Variants in CSMD1 observed in about 807,000 individuals in gnomAD.
CSMD1 encodes CUB and Sushi multiple domains 1.
Under a neutral mutation model 417.5 loss-of-function variants are expected in CSMD1, and 213 were observed. The ratio of observed to expected loss-of-function variants is 0.51; its 90% CI spans 0.46 to 0.57. The LOEUF is 0.57. CSMD1 is among the 20% of genes least tolerant of loss of function. The pLI is 0.00. For synonymous variants in CSMD1, 2,862 were observed against 1,736.8 expected, an observed-to-expected ratio of 1.65 and a Z score of -16.11; for missense variants, 6,923 against 4,529.7, an observed-to-expected ratio of 1.53 and a Z score of -15.17.
intron 2 of CSMD1, among the ~76,000 whole-genome samples, chr8:4,504,667 G>A (rs1185037852): frequency 1.3e-5 from 2 of 152,010 alleles, no homozygotes; most frequent in African/African-American, 2.4e-5. Context: ...AGTGTGTGAT[G>A]TTCCCCTCCC....
intron 10 of CSMD1, among the ~76,000 whole-genome samples, chr8:3,528,800 G>A (rs148342619): frequency 1.3e-3 from 203 of 152,164 alleles, no homozygotes; most frequent in African/African-American, 4.8e-3. Context: ...AAAACACCTG[G>A]ATAAAATTAT....
chr8:4,334,976 C>G (rs1045529236), intron 3 of CSMD1, among the ~76,000 whole-genome samples: 25 of 152,216 alleles, frequency 1.6e-4, no homozygotes, highest in African/African-American at 5.3e-4. Flanking sequence ...CCAGTGTCCT[C>G]CAGGCTTGTC....
chr8:4,654,186 C>T (rs1804081764), intron 1 of CSMD1, among the ~76,000 whole-genome samples: 1 of 152,098 alleles, frequency 6.6e-6, no homozygotes, highest in South Asian at 2.1e-4. Flanking sequence ...TTGACCTACT[C>T]TTCTGGAGTA....
chr8:3,752,692 A>AAAAC (rs1554531814), intron 6 of CSMD1, among the ~76,000 whole-genome samples: 16 of 66,440 alleles, frequency 2.4e-4, no homozygotes, highest in African/African-American at 7.0e-4. Flanking sequence ...AAAAAAAAAA[A>AAAAC]AAAAAAAAAA....
At chr8:4,518,399 T>C (rs1803239383) in intron 2 of CSMD1, among the ~76,000 whole-genome samples, 1 of 152,118 alleles carries the variant, frequency 6.6e-6, no homozygotes, top group Non-Finnish European at 1.5e-5. Flanking sequence ...AAAAACTATA[T>C]TGAACACTAA....
chr8:4,448,098 C>G (rs2163307), intron 2 of CSMD1, among the ~76,000 whole-genome samples: 1 of 152,098 alleles, frequency 6.6e-6, no homozygotes, highest in Non-Finnish European at 1.5e-5. Flanking sequence ...GTTCCCTTCT[C>G]TATGTTCTTG....
intron 3 of CSMD1, among the ~76,000 whole-genome samples, chr8:4,052,428 A>G (rs537853015): frequency 2.6e-4 from 39 of 152,300 alleles, no homozygotes; most frequent in African/African-American, 9.1e-4. Flanking sequence ...GAGATCCCAA[A>G]TATCTTGTAG....
rs916445760 is a variant in CSMD1, at chr8:4,875,239, A to T, written c.85+119093T>A. On this transcript the variant is annotated intron_variant, in intron 1 of 69. Transcript: ENST00000635120. Reference sequence around the variant, plus strand: ...GAAGGAAAATAAGCATGAGAATTATATATGAACAAGCGCTATACCCAAGTC... The same window carrying T: ...GAAGGAAAATAAGCATGAGAATTATTTATGAACAAGCGCTATACCCAAGTC... Among the ~76,000 whole-genome samples, 5 of 152,168 alleles carry T rather than the reference A, an allele frequency of 3.3e-5. No homozygotes were observed. The East Asian group carries it at 9.7e-4, about 29-fold the overall frequency.
intron 26 of CSMD1, among the ~76,000 whole-genome samples, chr8:3,241,324 A>AGG (rs1365362013): frequency 2.0e-5 from 3 of 151,578 alleles, no homozygotes; most frequent in Non-Finnish European, 4.4e-5. Flanking sequence ...TATGGAGGCA[A>AGG]GGGAAACAGG....
At chr8:3,281,194 GC>G (rs1274733666) in intron 26 of CSMD1, among the ~76,000 whole-genome samples, 1 of 152,164 alleles carries the variant, frequency 6.6e-6, no homozygotes, top group African/African-American at 2.4e-5. Context: ...TGTAATCCCA[GC>G]ACTTTGGGAG....
intron 25 of CSMD1, among the ~76,000 whole-genome samples, chr8:3,295,512 T>C (rs10107991): frequency 0.5 from 75,691 of 152,022 alleles, 21,024 homozygotes; most frequent in South Asian, 0.63. Flanking sequence ...ACTGTAAGTG[T>C]TTTATTTTCG....
intron 55 of CSMD1, among the ~76,000 whole-genome samples, chr8:2,975,511 C>A (rs961564844): frequency 1.3e-5 from 2 of 152,120 alleles, no homozygotes; most frequent in African/African-American, 4.8e-5. Context: ...TAGATTTGAA[C>A]GCCTGGAAGC....
At chr8:3,187,032 A>G (rs116255601) in intron 36 of CSMD1, among the ~76,000 whole-genome samples, 341 of 152,332 alleles carry the variant, frequency 2.2e-3, no homozygotes, top group African/African-American at 7.1e-3. Flanking sequence ...GGCATGAGCC[A>G]CTGCACCTGG....
chr8:4,789,763 T>C (rs948142704), intron 1 of CSMD1, among the ~76,000 whole-genome samples: 8 of 150,550 alleles, frequency 5.3e-5, no homozygotes, highest in Admixed American at 3.3e-4. Flanking sequence ...GTAGTAAATT[T>C]TTTAAGTTAT....
intron 38 of CSMD1, 136 bp downstream of exon 38, chr8:3,162,023 C>G (rs1462564918): frequency 3.3e-6 from 2 of 601,604 alleles, no homozygotes; most frequent in Non-Finnish European, 6.0e-6. Flanking sequence ...GACCAACATG[C>G]ATGATTTAAT....
intron 5 of CSMD1, among the ~76,000 whole-genome samples, chr8:3,779,603 A>G (rs1799069399): frequency 6.6e-6 from 1 of 152,224 alleles, no homozygotes; most frequent in African/African-American, 2.4e-5. Context: ...ATAACCGGGT[A>G]TTTTAATAAA....
At chr8:3,503,801 T>C (rs1340376543) in intron 10 of CSMD1, among the ~76,000 whole-genome samples, 3 of 151,372 alleles carry the variant, frequency 2.0e-5, no homozygotes, top group Middle Eastern at 3.2e-3. Flanking sequence ...CCCCCCTCTT[T>C]CCTTGCCCTC....
At position 4,607,398 on chromosome 8, in the gene CSMD1, A is replaced by G. The variant is rs576249608; in HGVS notation, c.302+29944T>C. 2.0e-5 allele frequency among the ~76,000 whole-genome samples: 3 copies of G among 152,298 alleles called. No individual in the cohort carries two copies. The East Asian group carries it at 5.8e-4, about 29-fold the overall frequency. ...TACGGAGTAGTTGCTGGAGAATAGAAAATTGCAGGCAACAACTTCACGTGA... is the reference window on the plus strand; with the variant it reads ...TACGGAGTAGTTGCTGGAGAATAGAGAATTGCAGGCAACAACTTCACGTGA... On this transcript the variant is annotated intron_variant, in intron 2 of 69. Transcript: ENST00000635120.
chr8:4,275,174 G>A (rs1056276630), intron 3 of CSMD1, among the ~76,000 whole-genome samples: 17 of 151,892 alleles, frequency 1.1e-4, no homozygotes, highest in African/African-American at 4.1e-4. Context: ...ACATTTTCTG[G>A]GGTTTTTTCT....
Sources: allele counts gnomAD v4.1 joint callset (sites outside exome capture counted in the v4.1 genomes callset), GRCh38; gene constraint gnomAD v4.1.1; transcripts MANE v1.5; gene names NCBI Gene and HGNC (gene_info 2026-07-23, HGNC 2026-07-21).